Variants in RAB20 observed in about 807,000 individuals in gnomAD.
RAB20 encodes RAB20, member RAS oncogene family.
RAB20 carries 2 observed loss-of-function variants against 3.7 expected under a neutral mutation model. The ratio of observed to expected loss-of-function variants is 0.54; its 90% CI spans 0.22 to 1.69. The LOEUF (loss-of-function observed/expected upper bound fraction) is 1.69, where lower values mean the gene tolerates loss of function less well. Among genes scored for constraint, RAB20 ranks in the 40% most tolerant of loss-of-function variants. The pLI, the probability that RAB20 is intolerant of heterozygous loss-of-function variation, is 0.19. For synonymous variants in RAB20, 126 were observed against 130.8 expected, an observed-to-expected ratio of 0.96 and a Z score of 0.25; for missense variants, 276 against 311.9, an observed-to-expected ratio of 0.88 and a Z score of 0.87.
intron 1 of RAB20, among the ~76,000 whole-genome samples, chr13:110,530,248 G>A (rs1404075415): frequency 7.5e-5 from 2 of 26,528 alleles, no homozygotes; most frequent in African/African-American, 1.7e-4. Flanking sequence ...ACAGGGCCCC[G>A]GGGAGGCAGG....
chr13:110,558,029 C>T (rs1205601757), intron 1 of RAB20, among the ~76,000 whole-genome samples: 3 of 152,264 alleles, frequency 2.0e-5, no homozygotes, highest in Admixed American at 6.5e-5. Flanking sequence ...GGGCAGCGGC[C>T]AGCCGGCCTG....
At chr13:110,542,704 T>A (rs1566588257) in intron 1 of RAB20, among the ~76,000 whole-genome samples, 1 of 152,260 alleles carries the variant, frequency 6.6e-6, no homozygotes, top group East Asian at 1.9e-4. Flanking sequence ...CCACATTTTC[T>A]TGATCCGTGC....
intron 1 of RAB20, among the ~76,000 whole-genome samples, chr13:110,526,945 A>C (rs971291031): frequency 1.3e-5 from 2 of 152,156 alleles, no homozygotes; most frequent in African/African-American, 4.8e-5. Flanking sequence ...TGTTCTGAGA[A>C]GGGGTCCTGG....
chr13:110,555,870 G>A lies in RAB20; in HGVS notation c.172+5478C>T, dbSNP rs765364017. On this transcript the variant is annotated intron_variant, in intron 1 of 1. Transcript: ENST00000267328. This position sits in a 1 kb window ranked among gnomAD's most constrained non-coding sequence, Gnocchi z 4.0. ...CGCCGTGGCCTCCCCATTTATTAGA[G>A]ACTTGTTTGCTAGGGGCCCAGCTGA... Among the ~76,000 whole-genome samples the A allele has an allele frequency of 2.3e-4, 35 of 152,264 alleles. No homozygotes were observed. Among genetic ancestry groups the A allele is most frequent in the Admixed American group, 5.9e-4 (9 of 15,294 alleles).
Position 110,560,054 on chromosome 13 carries a change from A to G in RAB20, c.172+1294T>C, listed in dbSNP as rs561976822. Among the ~76,000 whole-genome samples the G allele has an allele frequency of 5.9e-5, 9 of 152,310 alleles. No homozygotes were observed. The South Asian group carries it at 1.9e-3, about 32-fold the overall frequency. Reference sequence around the variant, plus strand: ...TTTGTACAAAACCAAATTGGGTTCAATTTGACTTTGTACAGAAGCAAATTG... The same window carrying G: ...TTTGTACAAAACCAAATTGGGTTCAGTTTGACTTTGTACAGAAGCAAATTG... On this transcript the variant is annotated intron_variant, in intron 1 of 1. Coordinates refer to ENST00000267328, the MANE Select transcript of RAB20 (RefSeq NM_017817.3).
chr13:110,534,991 G>A (rs560055031), intron 1 of RAB20, among the ~76,000 whole-genome samples: 7 of 138,390 alleles, frequency 5.1e-5, no homozygotes, highest in South Asian at 2.3e-4. Flanking sequence ...GTACCACCAC[G>A]CCTGGCTAAT....
In RAB20 at chr13:110,560,253, A is replaced by G. The variant is rs539605111; in HGVS notation, c.172+1095T>C. 3.3e-5 allele frequency among the ~76,000 whole-genome samples: 5 copies of G among 152,342 alleles called. No homozygotes were observed. In the South Asian group the frequency reaches 1.0e-3, roughly 32 times the overall value. On this transcript the variant is annotated intron_variant, in intron 1 of 1. Coordinates refer to ENST00000267328, the MANE Select transcript of RAB20 (RefSeq NM_017817.3). The stretch of plus-strand genomic sequence containing the variant: ...TTACCTGGGGGACATTGTTTTCACA[A>G]GATGATTGCCAATAAATTAGTCACG...
intron 1 of RAB20, among the ~76,000 whole-genome samples, chr13:110,541,686 G>A (rs1447000838): frequency 6.6e-6 from 1 of 152,068 alleles, no homozygotes; most frequent in Non-Finnish European, 1.5e-5. Context: ...GCCTGCCTGG[G>A]GCTCAGCTTC....
chr13:110,552,952 T>C (rs899857831), intron 1 of RAB20, among the ~76,000 whole-genome samples: 2 of 152,234 alleles, frequency 1.3e-5, no homozygotes, highest in South Asian at 4.1e-4. Context: ...CAGCGCACAC[T>C]GCTCGCAAGC....
intron 1 of RAB20, among the ~76,000 whole-genome samples, chr13:110,546,198 G>A (rs76707663): frequency 0.036 from 5,444 of 152,214 alleles, 158 homozygotes; most frequent in African/African-American, 0.079. Flanking sequence ...ACTGAGAGTC[G>A]AGAACCATGC....
chr13:110,525,948 G>T (rs1884422674), intron 1 of RAB20, among the ~76,000 whole-genome samples: 1 of 152,212 alleles, frequency 6.6e-6, no homozygotes, highest in African/African-American at 2.4e-5. Context: ...TCACCAACAA[G>T]CAAACCCCAA....
chr13:110,553,642 A>G (rs1884993417), intron 1 of RAB20, among the ~76,000 whole-genome samples: 1 of 152,258 alleles, frequency 6.6e-6, no homozygotes, highest in African/African-American at 2.4e-5. Flanking sequence ...AACAACCAGC[A>G]GCAGGCCTGC....
intron 1 of RAB20, 87 bp downstream of exon 1, chr13:110,561,261 C>T (rs1885124113): frequency 2.8e-6 from 4 of 1,421,378 alleles, no homozygotes; most frequent in Admixed American, 2.9e-5. Context: ...GGACCCTGTG[C>T]GCGGCCGGGT....
At chr13:110,551,225 C>T (rs765866780) in intron 1 of RAB20, among the ~76,000 whole-genome samples, 2 of 152,188 alleles carry the variant, frequency 1.3e-5, no homozygotes, top group Admixed American at 6.5e-5. Flanking sequence ...AGACAACCAG[C>T]AGTATGTACT....
intron 1 of RAB20, among the ~76,000 whole-genome samples, chr13:110,526,039 C>T (rs1884424755): frequency 6.6e-6 from 1 of 152,272 alleles, no homozygotes; most frequent in South Asian, 2.1e-4. Context: ...GAGACTGAGA[C>T]CTGTGCTCAG....
Position 110,554,329 on chromosome 13 carries a change from G to A in RAB20, c.172+7019C>T, listed in dbSNP as rs558308756. Among the ~76,000 whole-genome samples, 12 of 152,264 alleles carry A rather than the reference G, an allele frequency of 7.9e-5. No individual in the cohort carries two copies. The East Asian group carries it at 2.1e-3, about 27-fold the overall frequency. ...CACAGCATCATCACAATTCCAACCTGAAGCAGCAACACATATGACACAGCC... is the reference window on the plus strand; with the variant it reads ...CACAGCATCATCACAATTCCAACCTAAAGCAGCAACACATATGACACAGCC... On this transcript the variant is annotated intron_variant, in intron 1 of 1. Coordinates refer to ENST00000267328, the MANE Select transcript of RAB20 (RefSeq NM_017817.3).
intron 1 of RAB20, among the ~76,000 whole-genome samples, chr13:110,550,049 C>T (rs954144471): frequency 6.6e-6 from 1 of 152,110 alleles, no homozygotes; most frequent in Non-Finnish European, 1.5e-5. Context: ...TGACATGATG[C>T]CCATGCCTCA....
intron 1 of RAB20, among the ~76,000 whole-genome samples, chr13:110,528,532 G>A (rs1259887021): frequency 1.6e-5 from 2 of 127,846 alleles, no homozygotes; most frequent in East Asian, 4.1e-4. Flanking sequence ...GGCATCATGA[G>A]GTTTTTACAT....
Position 110,555,889 on chromosome 13 carries a change from C to T in RAB20, c.172+5459G>A, listed in dbSNP as rs1378411468. Among the ~76,000 whole-genome samples the T allele has an allele frequency of 6.6e-6, 1 of 152,182 alleles. No homozygotes were observed. Among genetic ancestry groups the T allele is most frequent in the Non-Finnish European group, 1.5e-5 (1 of 68,042 alleles). ...ATTAGAGACTTGTTTGCTAGGGGCC[C>T]AGCTGAGCCTCCCTCCTCCCTTTGT... On this transcript the variant is annotated intron_variant, in intron 1 of 1. Transcript: ENST00000267328. The surrounding 1 kb of genome is among the most constrained non-coding windows in gnomAD (Gnocchi z 4.0).
Sources: allele counts gnomAD v4.1 joint callset (sites outside exome capture counted in the v4.1 genomes callset), GRCh38; gene constraint gnomAD v4.1.1; non-coding constraint Gnocchi (gnomAD v3.1); transcripts MANE v1.5; gene names NCBI Gene and HGNC (gene_info 2026-07-23, HGNC 2026-07-21).